The following CELF4 variants were observed in gnomAD, a reference collection of about 807,000 sequenced individuals.
CELF4 encodes CUGBP Elav-like family member 4.
A neutral mutation model predicts 59.9 loss-of-function variants in CELF4; 18 were observed. The observed-to-expected ratio is 0.30, with a 90% CI of 0.21 to 0.45. The LOEUF (loss-of-function observed/expected upper bound fraction) is 0.45. Ranked by LOEUF, CELF4 falls within the 20% of genes least tolerant of loss-of-function variation. CELF4 has a pLI of 1.00. For synonymous variants in CELF4, 261 were observed against 267.1 expected (o/e 0.98, Z 0.22); for missense variants, 456 against 689.0 (o/e 0.66, Z 3.79).
intron 3 of CELF4, among the ~76,000 whole-genome samples, chr18:37,297,024 C>A (rs1603301741): frequency 6.6e-6 from 1 of 152,096 alleles, no homozygotes; most frequent in East Asian, 1.9e-4. Context: ...CAGAAATCAA[C>A]TAGGGAGATG....
chr18:37,369,298 C>T (rs2098829621), intron 2 of CELF4, among the ~76,000 whole-genome samples: 1 of 152,264 alleles, frequency 6.6e-6, no homozygotes, highest in Non-Finnish European at 1.5e-5. Context: ...CTACTGGGAC[C>T]CAAACCCTCT....
chr18:37,355,002 A>G (rs1029737433), intron 2 of CELF4, among the ~76,000 whole-genome samples: 3 of 152,212 alleles, frequency 2.0e-5, no homozygotes, highest in African/African-American at 7.2e-5. Flanking sequence ...CTCTGAGGGT[A>G]TGAAGTTGAT....
At chr18:37,416,826 C>T (rs1306107241) in intron 2 of CELF4, among the ~76,000 whole-genome samples, 2 of 152,116 alleles carry the variant, frequency 1.3e-5, no homozygotes, top group African/African-American at 2.4e-5. Flanking sequence ...GGCGGGAATG[C>T]ACTTCTGCAA....
intron 2 of CELF4, among the ~76,000 whole-genome samples, chr18:37,357,533 G>C (rs1258673753): frequency 6.6e-6 from 1 of 152,234 alleles, no homozygotes; most frequent in African/African-American, 2.4e-5. Context: ...GTGCAGAAGG[G>C]AAATGTGGAG....
At chr18:37,383,032 ATG>A (rs2099059122) in intron 2 of CELF4, among the ~76,000 whole-genome samples, 3 of 59,140 alleles carry the variant, frequency 5.1e-5, no homozygotes, top group African/African-American at 1.4e-4. Flanking sequence ...ACATGTATGT[ATG>A]TATGTATGTA....
At chr18:37,274,620 T>TC in intron 5 of CELF4, 166 bp from the exon 6 acceptor site, 3 of 1,513,364 alleles carry the variant, frequency 2.0e-6, no homozygotes, top group Non-Finnish European at 2.6e-6. Flanking sequence ...GCGGGCATTT[T>TC]CCACCTGGGT....
chr18:37,363,822 G>A (rs970062278), intron 2 of CELF4, among the ~76,000 whole-genome samples: 13 of 152,192 alleles, frequency 8.5e-5, no homozygotes, highest in Non-Finnish European at 1.8e-4. Context: ...CCACATCTGT[G>A]CCTTTCTCTG....
chr18:37,403,685 T>C (rs1603636916), intron 2 of CELF4, among the ~76,000 whole-genome samples: 1 of 152,068 alleles, frequency 6.6e-6, no homozygotes, highest in African/African-American at 2.4e-5. Context: ...ACAGCGCAGG[T>C]GTGTGTTCCC....
chr18:37,265,938 T>C (rs2077335928), intron 9 of CELF4, among the ~76,000 whole-genome samples: 1 of 152,140 alleles, frequency 6.6e-6, no homozygotes, highest in African/African-American at 2.4e-5. Flanking sequence ...GAGAGAAGCC[T>C]GGCTGACAGC....
chr18:37,485,705 C>A (rs940680323), intron 1 of CELF4, 98 bp from the exon 2 acceptor site: 2 of 620,716 alleles, frequency 3.2e-6, no homozygotes, highest in Non-Finnish European at 4.8e-6. Context: ...CCCCTCCCTG[C>A]CGCTCGGTCC....
chr18:37,552,750 C>A (rs1422545797), intron 1 of CELF4, among the ~76,000 whole-genome samples: 1 of 152,276 alleles, frequency 6.6e-6, no homozygotes, highest in Non-Finnish European at 1.5e-5. Context: ...TGGCTTTCTG[C>A]TGGCTCCAGC....
In CELF4 at chr18:37,274,159, A is replaced by AC. The variant is rs879051238; in HGVS notation, c.801+151dup. ...TTCTTTCAAACCCTTCTGAAGTTAA[A>AC]CCCCCCAGGTTCATGGGTTCATTCC... On this transcript the variant is annotated intron_variant, in intron 6 of 12. Coordinates refer to ENST00000420428, the MANE Select transcript of CELF4 (RefSeq NM_020180.4). 222 of 1,464,766 alleles carry AC rather than the reference A, an allele frequency of 1.5e-4. 2 individuals are homozygous for AC. The South Asian group carries it at 2.5e-3, about 16-fold the overall frequency. 90.7% of individuals were successfully genotyped at this position (1,464,766 alleles called of 1,614,324 possible).
chr18:37,404,382 A>G, intron 2 of CELF4, among the ~76,000 whole-genome samples: 1 of 152,352 alleles, frequency 6.6e-6, no homozygotes, highest in East Asian at 1.9e-4. Context: ...GCCTTCATGC[A>G]GGGCACCTCT....
At chr18:37,263,637 A>T (rs370011241) in intron 10 of CELF4, among the ~76,000 whole-genome samples, 3 of 151,534 alleles carry the variant, frequency 2.0e-5, no homozygotes, top group African/African-American at 7.3e-5. Context: ...TTATGTGGGT[A>T]CCTAGGCACT....
At chr18:37,295,722 C>A (rs139501957) in intron 3 of CELF4, among the ~76,000 whole-genome samples, 548 of 152,328 alleles carry the variant, frequency 3.6e-3, no homozygotes, top group South Asian at 3.7e-3. Flanking sequence ...ACTTCACATC[C>A]CCATTCGAAA....
intron 2 of CELF4, among the ~76,000 whole-genome samples, chr18:37,382,967 C>G (rs1269189826): frequency 6.6e-6 from 1 of 151,936 alleles, no homozygotes; most frequent in Non-Finnish European, 1.5e-5. Flanking sequence ...AGCTGATTTG[C>G]CAGCTCTAAC....
At chr18:37,533,885 GGA>G in intron 1 of CELF4, among the ~76,000 whole-genome samples, 1 of 152,200 alleles carries the variant, frequency 6.6e-6, no homozygotes, top group Non-Finnish European at 1.5e-5. Context: ...CCACGTCAGG[GGA>G]AAGCAGTGGG....
At chr18:37,488,151 G>GT (rs1179405287) in intron 1 of CELF4, among the ~76,000 whole-genome samples, 3 of 151,996 alleles carry the variant, frequency 2.0e-5, no homozygotes, top group African/African-American at 4.8e-5. Context: ...CTTCACTCTG[G>GT]TTTCTGCTCA....
At chr18:37,464,683 G>A (rs540894435) in intron 2 of CELF4, among the ~76,000 whole-genome samples, 9 of 152,272 alleles carry the variant, frequency 5.9e-5, no homozygotes, top group East Asian at 3.9e-4. Flanking sequence ...TGTGGGTCAT[G>A]GAGCAGCCCT....
Sources: gnomAD v4.1 joint callset for allele counts (sites outside exome capture counted in the v4.1 genomes callset) on GRCh38, gnomAD v4.1.1 for gene constraint, MANE v1.5 for transcripts, NCBI Gene and HGNC (gene_info 2026-07-23, HGNC 2026-07-21) for gene names.